ZNF609: variants seen among roughly 807,000 people sequenced by gnomAD.
ZNF609 encodes the protein zinc finger protein 609.
Under a neutral mutation model 109.5 loss-of-function variants are expected in ZNF609, and 11 were observed. The ratio of observed to expected loss-of-function variants is 0.10; its 90% CI spans 0.06 to 0.17. The LOEUF (loss-of-function observed/expected upper bound fraction) is 0.17. Ranked by LOEUF, ZNF609 falls within the 10% of genes least tolerant of loss-of-function variation. The pLI is 1.00. For missense variants in ZNF609, 1,559 were observed against 1,772.4 expected (o/e 0.88, Z 2.16); for synonymous variants, 646 against 662.0 (o/e 0.98, Z 0.37).
At chr15:64,661,254 G>A (rs773893112) in intron 3 of ZNF609, among the ~76,000 whole-genome samples, 8 of 152,168 alleles carry the variant, frequency 5.3e-5, no homozygotes, top group Non-Finnish European at 7.4e-5. Context: ...GAGCCACCAC[G>A]ACTGGCCGCG....
At chr15:64,619,146 G>A (rs148395549) in intron 2 of ZNF609, among the ~76,000 whole-genome samples, 1 of 152,140 alleles carries the variant, frequency 6.6e-6, no homozygotes, top group African/African-American at 2.4e-5. Flanking sequence ...CACCCAGCTA[G>A]TTGTTTTTGT....
chr15:64,627,038 G>A (rs1161301665), intron 3 of ZNF609, among the ~76,000 whole-genome samples: 4 of 152,040 alleles, frequency 2.6e-5, no homozygotes, highest in East Asian at 1.9e-4. Flanking sequence ...GCAAAACCCC[G>A]TCTCTACTAA....
intron 3 of ZNF609, among the ~76,000 whole-genome samples, chr15:64,632,970 G>A (rs907982456): frequency 1.3e-5 from 2 of 151,220 alleles, no homozygotes; most frequent in African/African-American, 4.9e-5. Context: ...TTTTTGTAGA[G>A]ATGGGGTCTC....
At chr15:64,564,410 C>G (rs1159309760) in intron 2 of ZNF609, among the ~76,000 whole-genome samples, 2 of 151,986 alleles carry the variant, frequency 1.3e-5, no homozygotes, top group African/African-American at 4.8e-5. Context: ...ATAAGATGAG[C>G]TGTAAGTATA....
chr15:64,512,831 T>A (rs548248207), intron 2 of ZNF609, among the ~76,000 whole-genome samples: 105 of 152,002 alleles, frequency 6.9e-4, no homozygotes, highest in African/African-American at 2.1e-3. Flanking sequence ...CATACTTTTT[T>A]AAAAAAAACT....
intron 6 of ZNF609, 25 bp from the exon 7 acceptor site, chr15:64,680,160 G>T: frequency 6.2e-7 from 1 of 1,612,272 alleles, no homozygotes; most frequent in South Asian, 1.1e-5. Context: ...CCATCTCTTT[G>T]ACTGTTTGAT....
chr15:64,599,576 A>G (rs935537539), intron 2 of ZNF609, among the ~76,000 whole-genome samples: 3 of 152,100 alleles, frequency 2.0e-5, no homozygotes, highest in Non-Finnish European at 2.9e-5. Context: ...TCTTCCCTTT[A>G]TCCCCCTACT....
At chr15:64,574,660 C>T (rs1275314540) in intron 2 of ZNF609, among the ~76,000 whole-genome samples, 1 of 152,184 alleles carries the variant, frequency 6.6e-6, no homozygotes, top group Non-Finnish European at 1.5e-5. Flanking sequence ...AGATAACCTG[C>T]TCTCATTGGG....
chr15:64,637,254 A>G (rs1418459090), intron 3 of ZNF609, among the ~76,000 whole-genome samples: 1 of 152,186 alleles, frequency 6.6e-6, no homozygotes, highest in Non-Finnish European at 1.5e-5. Flanking sequence ...TCATTATAGT[A>G]TTCCATTATG....
intron 3 of ZNF609, among the ~76,000 whole-genome samples, chr15:64,627,211 A>C (rs917668564): frequency 2.0e-5 from 3 of 152,146 alleles, no homozygotes; most frequent in South Asian, 2.1e-4. Context: ...ACAAAAAAAA[A>C]CAAAACAAAA....
intron 2 of ZNF609, among the ~76,000 whole-genome samples, chr15:64,522,271 AG>A (rs1893902823): frequency 1.3e-5 from 2 of 152,264 alleles, no homozygotes; most frequent in Middle Eastern, 3.2e-3. Context: ...GAAAAGTAAA[AG>A]GAAGAACATA....
intron 3 of ZNF609, among the ~76,000 whole-genome samples, chr15:64,639,305 G>A (rs12438946): frequency 0.014 from 2,075 of 152,286 alleles, 136 homozygotes; most frequent in Admixed American, 0.12. Flanking sequence ...CTTTGGGGCT[G>A]TATTAATTTC....
intron 3 of ZNF609, among the ~76,000 whole-genome samples, chr15:64,650,113 C>CAA (rs546871709): frequency 0.049 from 4,173 of 85,314 alleles, 86 homozygotes; most frequent in South Asian, 0.1. Flanking sequence ...GAACCCATCT[C>CAA]AAAAAAAAAA....
chr15:64,588,326 G>T (rs1052743269), intron 2 of ZNF609, among the ~76,000 whole-genome samples: 10 of 148,260 alleles, frequency 6.7e-5, no homozygotes, highest in African/African-American at 2.5e-4. Flanking sequence ...CTACTTGGAG[G>T]CTGAGGCAGG....
intron 2 of ZNF609, among the ~76,000 whole-genome samples, chr15:64,522,407 C>A (rs1893905115): frequency 6.6e-6 from 1 of 152,188 alleles, no homozygotes; most frequent in Admixed American, 6.5e-5. Flanking sequence ...TCAACTCTGT[C>A]CCTTTAAGCA....
intron 2 of ZNF609, among the ~76,000 whole-genome samples, chr15:64,546,082 T>C (rs1894354132): frequency 6.6e-6 from 1 of 152,152 alleles, no homozygotes; most frequent in Non-Finnish European, 1.5e-5. Flanking sequence ...AGTGGCAAAA[T>C]GTTTTCCTAA....
At position 64,467,335 on chromosome 15, in the gene ZNF609, C is replaced by T. The variant is rs912494876; in HGVS notation, c.-128+6497C>T. Among the ~76,000 whole-genome samples, 28 of 152,218 alleles carry T rather than the reference C, an allele frequency of 1.8e-4. 1 individual carries two copies. In the South Asian group the frequency reaches 5.6e-3, roughly 31 times the overall value. ...TTAATTCCATTTTTCAGGAATACTT[C>T]CTCCCAGCAATATCTCTACCCCTTC... On this transcript the variant is annotated intron_variant, in intron 1 of 9. Coordinates refer to ENST00000326648, the MANE Select transcript of ZNF609 (RefSeq NM_015042.2).
At chr15:64,527,891 C>G (rs973766229) in intron 2 of ZNF609, among the ~76,000 whole-genome samples, 1 of 152,142 alleles carries the variant, frequency 6.6e-6, no homozygotes, top group African/African-American at 2.4e-5. Context: ...TTAACCTGGA[C>G]CAAACTCTAC....
intron 3 of ZNF609, among the ~76,000 whole-genome samples, chr15:64,633,464 G>A (rs1331102853): frequency 1.3e-5 from 2 of 152,024 alleles, no homozygotes; most frequent in Non-Finnish European, 2.9e-5. Flanking sequence ...TTTTCTTACG[G>A]AAATGAGATC....
Sources: gnomAD v4.1 joint callset for allele counts (sites outside exome capture counted in the v4.1 genomes callset) on GRCh38, gnomAD v4.1.1 for gene constraint, MANE v1.5 for transcripts, NCBI Gene and HGNC (gene_info 2026-07-23, HGNC 2026-07-21) for gene names.